Variants in GNG7 observed in about 807,000 individuals in gnomAD.
The protein encoded by GNG7 is guanine nucleotide-binding protein G(I)/G(S)/G(O) subunit gamma-7.
Under a neutral mutation model 4.0 loss-of-function variants are expected in GNG7, and 1 was observed. That is an observed-to-expected ratio of 0.25 (90% confidence interval 0.09 to 1.18). The LOEUF (loss-of-function observed/expected upper bound fraction) is 1.18. Among genes scored for constraint, GNG7 ranks in the 50% most tolerant of loss-of-function variants. The pLI, the probability that GNG7 is intolerant of heterozygous loss-of-function variation, is 0.50. For synonymous variants in GNG7, 34 were observed against 36.9 expected (o/e 0.92, Z 0.29); for missense variants, 86 against 91.9 (o/e 0.94, Z 0.26).
At position 2,609,595 on chromosome 19, in the gene GNG7, C is replaced by T. The variant is rs543142853; in HGVS notation, c.-78+36629G>A. On this transcript the variant is annotated intron_variant, in intron 2 of 4. Transcript: ENST00000382159. The surrounding 1 kb of genome is among the most constrained non-coding windows in gnomAD (Gnocchi z 4.4). ...GGATTGCAGTGATGTTTGCGCACCA[C>T]GTCCCGAGTGCCAGAGCAGACAGGG... 6.6e-6 allele frequency among the ~76,000 whole-genome samples: 1 copy of T among 152,290 alleles called. No homozygotes were observed. Among genetic ancestry groups the T allele is most frequent in the Non-Finnish European group, 1.5e-5 (1 of 68,032 alleles).
chr19:2,639,624 G>A lies in GNG7; in HGVS notation c.-78+6600C>T, dbSNP rs899256510. Among the ~76,000 whole-genome samples the A allele has an allele frequency of 6.3e-4, 6 of 9,582 alleles. No individual in the cohort carries two copies. The African/African-American group carries it at 9.9e-3, about 16-fold the overall frequency. 6.3% of individuals were successfully genotyped at this position (9,582 alleles called of 152,430 possible). On this transcript the variant is annotated intron_variant, in intron 2 of 4. Transcript: ENST00000382159. The stretch of plus-strand genomic sequence containing the variant: ...ACAGAGCTCAGCAGCACATCCACTC[G>A]CAGGAATTTAACTTAAACCTCAACC...
intron 2 of GNG7, among the ~76,000 whole-genome samples, chr19:2,627,479 C>G (rs1982050050): frequency 6.6e-6 from 1 of 152,246 alleles, no homozygotes; most frequent in South Asian, 2.1e-4. Context: ...GGCCCTGGCT[C>G]CCTTCAGAGC....
At chr19:2,668,569 C>T (rs537693869) in intron 1 of GNG7, among the ~76,000 whole-genome samples, 72 of 152,262 alleles carry the variant, frequency 4.7e-4, no homozygotes, top group African/African-American at 1.6e-3. Context: ...CCAATTTCGG[C>T]AGCATGGTGT....
At chr19:2,568,153 A>G (rs528635374) in intron 2 of GNG7, among the ~76,000 whole-genome samples, 60 of 149,326 alleles carry the variant, frequency 4.0e-4, no homozygotes, top group African/African-American at 1.5e-3. Flanking sequence ...ACATGCACAC[A>G]CATACACATA....
intron 2 of GNG7, among the ~76,000 whole-genome samples, chr19:2,627,508 C>G (rs1056532826): frequency 1.3e-5 from 2 of 152,342 alleles, no homozygotes; most frequent in South Asian, 4.1e-4. Context: ...GCTGGCAGCC[C>G]GCGTGCTGTA....
At chr19:2,696,375 A>C (rs1041313730) in intron 1 of GNG7, among the ~76,000 whole-genome samples, 4 of 151,758 alleles carry the variant, frequency 2.6e-5, no homozygotes, top group African/African-American at 9.7e-5. Context: ...AAAGAAAGGA[A>C]AGGAAGGGAA....
chr19:2,609,927 C>T lies in GNG7; in HGVS notation c.-78+36297G>A, dbSNP rs1005565015. Among the ~76,000 whole-genome samples, 2 of 152,054 alleles carry T rather than the reference C, an allele frequency of 1.3e-5. No individual in the cohort carries two copies. Among genetic ancestry groups the T allele is most frequent in the African/African-American group, 2.4e-5 (1 of 41,388 alleles). On this transcript the variant is annotated intron_variant, in intron 2 of 4. Transcript: ENST00000382159. The surrounding 1 kb of genome is among the most constrained non-coding windows in gnomAD (Gnocchi z 4.4). ...GAACGGTACAGGAAAAGCAGGAGAG[C>T]GTGCACCTTAAACGGCCAAGGTCCG...
chr19:2,520,085 G>C (rs8108346), intron 4 of GNG7, among the ~76,000 whole-genome samples: 3 of 151,944 alleles, frequency 2.0e-5, no homozygotes, highest in Admixed American at 6.6e-5. Flanking sequence ...GGAGGTTGAG[G>C]CAGAAGAATT....
intron 3 of GNG7, among the ~76,000 whole-genome samples, chr19:2,547,304 C>T (rs1486385163): frequency 6.6e-6 from 1 of 152,140 alleles, no homozygotes; most frequent in Admixed American, 6.6e-5. Flanking sequence ...ATGGGCCTCA[C>T]TGGTTTAAAA....
At chr19:2,689,622 C>CAAAAAAA (rs58020172) in intron 1 of GNG7, among the ~76,000 whole-genome samples, 2 of 37,944 alleles carry the variant, frequency 5.3e-5, no homozygotes, top group Non-Finnish European at 1.0e-4. Context: ...GACTCCAACT[C>CAAAAAAA]AAAAAAAAAA....
Position 2,535,286 on chromosome 19 carries a change from C to T in GNG7, c.-37-14561G>A, listed in dbSNP as rs1015855302. On this transcript the variant is annotated intron_variant, in intron 3 of 4. Transcript: ENST00000382159. ...GGAGGATCACTTGAGCCCAAGAGTT[C>T]GAGACCAGCCTGGGCAACATGGCAA... 2.8e-5 allele frequency among the ~76,000 whole-genome samples: 4 copies of T among 144,370 alleles called. No homozygotes were observed. In the East Asian group the frequency reaches 6.0e-4, roughly 22 times the overall value. The allele number at this position is 144,370 out of a possible 152,430, so 94.7% of individuals were successfully genotyped here.
At position 2,513,187 on chromosome 19, in the gene GNG7, C is replaced by T; in HGVS notation, c.*1835G>A. 1.0e-6 allele frequency: 1 copy of T among 953,154 alleles called. No individual in the cohort carries two copies. Among genetic ancestry groups the T allele is most frequent in the Non-Finnish European group, 1.2e-6 (1 of 800,452 alleles). 59.0% of individuals were successfully genotyped at this position (953,154 alleles called of 1,614,324 possible). On this transcript the variant is annotated 3_prime_UTR_variant, in exon 5 of 5. Transcript: ENST00000382159. ...GCGAGGTGGGAACCCTGGCAGTCAC[C>T]AGCTCAGGAAGTGAGCCAAGCAGGG...
intron 2 of GNG7, among the ~76,000 whole-genome samples, chr19:2,563,636 C>G (rs944632076): frequency 2.0e-5 from 3 of 152,176 alleles, no homozygotes; most frequent in Non-Finnish European, 2.9e-5. Flanking sequence ...TGTGCACCAC[C>G]ACGCCTGGCT....
chr19:2,597,477 A>C (rs545778693), intron 2 of GNG7, among the ~76,000 whole-genome samples: 1 of 150,756 alleles, frequency 6.6e-6, no homozygotes, highest in African/African-American at 2.4e-5. Flanking sequence ...GGCACCTGTA[A>C]TCTTAGCTAC....
At chr19:2,518,123 G>A (rs1978292145) in intron 4 of GNG7, among the ~76,000 whole-genome samples, 1 of 152,310 alleles carries the variant, frequency 6.6e-6, no homozygotes, top group Admixed American at 6.5e-5. Flanking sequence ...TGCCCACTGC[G>A]CTGGGCTGGT....
chr19:2,536,454 C>G (rs541785127), intron 3 of GNG7, among the ~76,000 whole-genome samples: 2 of 151,878 alleles, frequency 1.3e-5, no homozygotes, highest in Admixed American at 6.6e-5. Flanking sequence ...AGAAAAGGGC[C>G]TCAGCTTGCT....
At chr19:2,533,326 T>C (rs1978650775) in intron 3 of GNG7, among the ~76,000 whole-genome samples, 1 of 151,850 alleles carries the variant, frequency 6.6e-6, no homozygotes, top group Admixed American at 6.6e-5. Flanking sequence ...AGGTGCATAT[T>C]ATATAATTCC....
At chr19:2,660,741 T>C (rs530523631) in intron 1 of GNG7, among the ~76,000 whole-genome samples, 6 of 152,254 alleles carry the variant, frequency 3.9e-5, no homozygotes, top group South Asian at 4.2e-4. Flanking sequence ...TGGGGAGCCA[T>C]GCTCATACCA....
intron 1 of GNG7, among the ~76,000 whole-genome samples, chr19:2,698,682 T>C (rs1297915226): frequency 6.6e-6 from 1 of 152,086 alleles, no homozygotes; most frequent in Non-Finnish European, 1.5e-5. Flanking sequence ...TACAAATGAC[T>C]CTGGATACGA....
Sources: allele counts gnomAD v4.1 joint callset (sites outside exome capture counted in the v4.1 genomes callset), GRCh38; gene constraint gnomAD v4.1.1; non-coding constraint Gnocchi (gnomAD v3.1); transcripts MANE v1.5; gene names NCBI Gene and HGNC (gene_info 2026-07-23, HGNC 2026-07-21).